The following KMT5B variants were observed in gnomAD, a reference collection of about 807,000 sequenced individuals.
The protein encoded by KMT5B is histone-lysine N-methyltransferase KMT5B.
A neutral mutation model predicts 83.2 loss-of-function variants in KMT5B; 10 were observed. The ratio of observed to expected loss-of-function variants is 0.12; its 90% CI spans 0.07 to 0.20. The LOEUF (loss-of-function observed/expected upper bound fraction) is 0.20, where lower values mean the gene tolerates loss of function less well. Ranked by LOEUF, KMT5B falls within the 10% of genes least tolerant of loss-of-function variation. The probability of loss-of-function intolerance (pLI) is 1.00; values close to 1 mark genes in which losing one functional copy is unlikely to be tolerated. For synonymous variants in KMT5B, 349 were observed against 388.8 expected (o/e 0.90, Z 1.20); for missense variants, 753 against 1,067.2 (o/e 0.71, Z 4.10).
chr11:68,209,775 T>G (rs1860637886), intron 1 of KMT5B, among the ~76,000 whole-genome samples: 1 of 152,114 alleles, frequency 6.6e-6, no homozygotes, highest in Non-Finnish European at 1.5e-5. Context: ...AACTGCAGTC[T>G]GGGGTTTACT....
intron 1 of KMT5B, among the ~76,000 whole-genome samples, chr11:68,202,546 C>CTTTTT (rs71040602): frequency 4.1e-5 from 5 of 121,950 alleles, no homozygotes; most frequent in African/African-American, 9.4e-5. Flanking sequence ...CTAAGACACA[C>CTTTTT]TTTTTTTTTT....
rs1176910417 is a variant in KMT5B, at chr11:68,175,013, C to T, written c.543+5G>A. Reference sequence around the variant, plus strand: ...GGTTAACAGCATCAGTCTTAATAAACTTACATGTTCTTTGAATAATTTCTC... The same window carrying T: ...GGTTAACAGCATCAGTCTTAATAAATTTACATGTTCTTTGAATAATTTCTC... On this transcript the variant is annotated splice_donor_5th_base_variant and intron_variant, in intron 5 of 10. Coordinates refer to ENST00000304363, the MANE Select transcript of KMT5B (RefSeq NM_017635.5). The T allele has an allele frequency of 6.2e-7, 1 of 1,612,326 alleles. No individual in the cohort carries two copies. Among genetic ancestry groups the T allele is most frequent in the Non-Finnish European group, 8.5e-7 (1 of 1,178,780 alleles).
intron 10 of KMT5B, 25 bp from the exon 11 acceptor site, chr11:68,159,196 GAAAAGCCT>G (rs1401713906): frequency 6.5e-6 from 10 of 1,529,164 alleles, no homozygotes; most frequent in Middle Eastern, 1.8e-4. Context: ...AGAAAAAGGT[GAAAAGCCT>G]TGGTAACAGC....
chr11:68,175,239 T>G (rs1856240959), intron 4 of KMT5B, 56 bp from the exon 5 acceptor site: 1 of 1,431,736 alleles, frequency 7.0e-7, no homozygotes. Context: ...GCGCCACTGA[T>G]CCATCTTAAC....
At chr11:68,174,177 A>T (rs1856118902) in intron 5 of KMT5B, 1 of 559,712 alleles carries the variant, frequency 1.8e-6, no homozygotes, top group South Asian at 1.6e-5. Context: ...AGGCCACTGC[A>T]CTCCAGCCTG....
chr11:68,157,973 A>G lies in KMT5B; in HGVS notation c.2373T>C (p.Tyr791=), dbSNP rs748995814. 3 of 1,614,184 alleles carry G rather than the reference A, an allele frequency of 1.9e-6. No individual in the cohort carries two copies. Among genetic ancestry groups the G allele is most frequent in the South Asian group, 1.1e-5 (1 of 91,080 alleles). ...LKRDEENRGS[Y]TEGLHENGVC... Reference sequence around the variant, plus strand: ...CCCCATTTTCATGAAGCCCCTCTGTATAAGACCCCCTATTTTCCTCATCTC... The same window carrying G: ...CCCCATTTTCATGAAGCCCCTCTGTGTAAGACCCCCTATTTTCCTCATCTC... Residue 791 remains tyrosine, a synonymous_variant, in exon 11 of 11, where the codon TAT becomes TAC. Coordinates refer to ENST00000304363, the MANE Select transcript of KMT5B (RefSeq NM_017635.5).
At chr11:68,212,109 T>C (rs946467841) in intron 1 of KMT5B, among the ~76,000 whole-genome samples, 1 of 152,216 alleles carries the variant, frequency 6.6e-6, no homozygotes, top group South Asian at 2.1e-4. Context: ...ATCAATATTA[T>C]AGGCGTGTTC....
At chr11:68,174,009 A>C (rs1047834703) in intron 5 of KMT5B, 96 bp from the exon 6 acceptor site, 56 of 830,388 alleles carry the variant, frequency 6.7e-5, no homozygotes, top group Admixed American at 4.0e-4. Context: ...AATGATGAAA[A>C]AAATGTAAGA....
At chr11:68,195,894 T>C (rs1474780996) in intron 1 of KMT5B, among the ~76,000 whole-genome samples, 1 of 152,194 alleles carries the variant, frequency 6.6e-6, no homozygotes. Flanking sequence ...TGGTGGCTCA[T>C]GCCTGTAATC....
rs1297986235 is a variant in KMT5B, at chr11:68,158,724, G to A, written c.1622C>T (p.Ser541Leu). ...CTTCAGATTTGTTCTTGTCCTCACT[G>A]ACCGCCGAGTTATGTAGGTGCAGGG... Reference protein sequence around the residue: ...SSPCTYITRRSVRTRTNLKEA... With the variant: ...SSPCTYITRRLVRTRTNLKEA... Residue 541 changes from serine (S) to leucine (L), a missense_variant, in exon 11 of 11, where the codon TCA (serine) becomes TTA (leucine). By Grantham distance (145) the Ser-to-Leu change is moderately radical. Transcript: ENST00000304363. The A allele has an allele frequency of 2.5e-6, 4 of 1,613,948 alleles. No homozygotes were observed. The highest frequency in any genetic ancestry group is 3.4e-6 in the Non-Finnish European group (4 of 1,180,034).
At chr11:68,179,717 C>A in intron 4 of KMT5B, 1 of 966,310 alleles carries the variant, frequency 1.0e-6, no homozygotes. Flanking sequence ...TAAAATAAAA[C>A]CATGAGGCAA....
chr11:68,165,824 C>T (rs765314880), intron 10 of KMT5B: 228 of 1,609,008 alleles, frequency 1.4e-4, no homozygotes, highest in Non-Finnish European at 1.9e-4. Flanking sequence ...AATAGGGCTA[C>T]AGCGCTGCTT....
intron 1 of KMT5B, among the ~76,000 whole-genome samples, chr11:68,202,783 G>A (rs1041891717): frequency 6.6e-6 from 1 of 152,018 alleles, no homozygotes; most frequent in Non-Finnish European, 1.5e-5. Flanking sequence ...TCTTGACCTC[G>A]TGATTTGCCC....
chr11:68,182,605 T>C (rs1354006211), intron 3 of KMT5B, among the ~76,000 whole-genome samples: 1 of 152,056 alleles, frequency 6.6e-6, no homozygotes, highest in Non-Finnish European at 1.5e-5. Flanking sequence ...ATTACAGGCA[T>C]GAGCCACTGC....
intron 10 of KMT5B, chr11:68,165,598 T>C: frequency 4.2e-6 from 2 of 477,306 alleles, no homozygotes; most frequent in South Asian, 4.6e-5. Flanking sequence ...CAGCCTCCCA[T>C]GTAGCTGGGG....
At chr11:68,169,592 C>T (rs1163315445) in intron 9 of KMT5B, among the ~76,000 whole-genome samples, 2 of 152,212 alleles carry the variant, frequency 1.3e-5, no homozygotes, top group Non-Finnish European at 2.9e-5. Flanking sequence ...GCCTTCACAT[C>T]AACCCTACAA....
chr11:68,171,162 A>G lies in KMT5B; in HGVS notation c.841-11T>C. ...ACCAGTTGACACAAACTAAAATAAA[A>G]GTAACTCAGTAAGAAACTCACACCT... On this transcript the variant is annotated splice_polypyrimidine_tract_variant and intron_variant, in intron 8 of 10. Coordinates refer to ENST00000304363, the MANE Select transcript of KMT5B (RefSeq NM_017635.5). The surrounding 1 kb of genome is among the most constrained non-coding windows in gnomAD (Gnocchi z 5.1). The G allele has an allele frequency of 6.2e-7, 1 of 1,608,968 alleles. No homozygotes were observed. Among genetic ancestry groups the G allele is most frequent in the Non-Finnish European group, 8.5e-7 (1 of 1,178,980 alleles).
intron 1 of KMT5B, among the ~76,000 whole-genome samples, chr11:68,190,422 T>C (rs1005489348): frequency 6.6e-6 from 1 of 152,214 alleles, no homozygotes; most frequent in African/African-American, 2.4e-5. Flanking sequence ...CCTTCTACTT[T>C]TTTTTAAGTT....
chr11:68,166,443 C>T lies in KMT5B; in HGVS notation c.1174+539G>A, dbSNP rs1213242177. ...CAGCATGTCACAATACGGCACTGTT[C>T]AAAATGCTCCTCTATCACAATTCTG... On this transcript the variant is annotated intron_variant, in intron 10 of 10. Coordinates refer to ENST00000304363, the MANE Select transcript of KMT5B (RefSeq NM_017635.5). 6 of 1,002,262 alleles carry T rather than the reference C, an allele frequency of 6.0e-6. No homozygotes were observed. The African/African-American group carries it at 8.7e-5, about 15-fold the overall frequency. The allele number at this position is 1,002,262 out of a possible 1,614,324, so 62.1% of individuals were successfully genotyped here.
Sources: gnomAD v4.1 joint callset for allele counts (sites outside exome capture counted in the v4.1 genomes callset) on GRCh38, gnomAD v4.1.1 for gene constraint, Gnocchi (gnomAD v3.1) non-coding constraint, MANE v1.5 for transcripts, NCBI Gene and HGNC (gene_info 2026-07-23, HGNC 2026-07-21) for gene names.